HCN4: variants seen among roughly 807,000 people sequenced by gnomAD.
The protein encoded by HCN4 is hyperpolarization activated cyclic nucleotide gated potassium channel 4.
A neutral mutation model predicts 76.9 loss-of-function variants in HCN4; 29 were observed. That is an observed-to-expected ratio of 0.38 (90% confidence interval 0.28 to 0.51). HCN4 has a LOEUF of 0.51. HCN4 is among the 20% of genes least tolerant of loss of function. The pLI is 0.90. For missense variants in HCN4, 1,416 were observed against 1,715.2 expected, an observed-to-expected ratio of 0.83 and a Z score of 3.08; for synonymous variants, 772 against 762.5, an observed-to-expected ratio of 1.01 and a Z score of -0.21.
In HCN4 at chr15:73,322,377, T is replaced by A. The variant is rs1053318527; in HGVS notation, c.*104A>T. On this transcript the variant is annotated 3_prime_UTR_variant, in exon 8 of 8. Transcript: ENST00000261917. ...TGTTTTTCTGGTGTGTGTGGTTTTT[T>A]AAATAATTATTACTGTTATTGGTAT... The A allele has an allele frequency of 1.7e-5, 17 of 985,960 alleles. No individual in the cohort carries two copies. The highest frequency in any genetic ancestry group is 2.8e-5 in the South Asian group (2 of 71,656). The allele number at this position is 985,960 out of a possible 1,614,324, so 61.1% of individuals were successfully genotyped here.
Position 73,321,710 on chromosome 15 carries a change from C to G in HCN4, c.*771G>C, listed in dbSNP as rs2042859495. The G allele has an allele frequency of 6.5e-6, 1 of 152,866 alleles. No homozygotes were observed. The highest frequency in any genetic ancestry group is 2.4e-5 in the African/African-American group (1 of 41,436). The allele number at this position is 152,866 out of a possible 1,614,324, so 9.5% of individuals were successfully genotyped here. A position where few individuals can be genotyped will look rare whatever the true frequency, so the allele number is the denominator to read the frequency against. Reference sequence around the variant, plus strand: ...GAGAGAGGGGGCCTGCTGCGAAGTCCTGGGGTCCTCTTCCCTGAGGACTGG... The same window carrying G: ...GAGAGAGGGGGCCTGCTGCGAAGTCGTGGGGTCCTCTTCCCTGAGGACTGG... On this transcript the variant is annotated 3_prime_UTR_variant, in exon 8 of 8. Coordinates refer to ENST00000261917, the MANE Select transcript of HCN4 (RefSeq NM_005477.3).
Position 73,368,016 on chromosome 15 carries a change from G to C in HCN4, c.255C>G (p.Gly85=). The C allele has an allele frequency of 7.0e-7, 1 of 1,419,688 alleles. No individual in the cohort carries two copies. Among genetic ancestry groups the C allele is most frequent in the Non-Finnish European group, 9.1e-7 (1 of 1,093,834 alleles). 87.9% of individuals were successfully genotyped at this position (1,419,688 alleles called of 1,614,324 possible). Residue 85 remains glycine (G), a synonymous_variant, in exon 1 of 8, where the codon GGC becomes GGG. Transcript: ENST00000261917. The surrounding 1 kb of genome is among the most constrained non-coding windows in gnomAD (Gnocchi z 6.9). The part of the protein sequence containing the change: ...ADSEGPARGA[G]KSSTNGDCRR... ...TGCAGTCGCCGTTCGTGCTGGACTT[G>C]CCCGCGCCGCGGGCCGGCCCTTCGC... is the stretch of plus-strand genomic sequence containing the variant.
chr15:73,347,128 C>T (rs2043033138), intron 1 of HCN4, among the ~76,000 whole-genome samples: 1 of 152,228 alleles, frequency 6.6e-6, no homozygotes, highest in South Asian at 2.1e-4. Context: ...CCCCAAAACA[C>T]TTCACATGTA....
intron 1 of HCN4, among the ~76,000 whole-genome samples, chr15:73,356,374 C>CTTTTTTTTTTT (rs71137342): frequency 5.3e-4 from 63 of 118,172 alleles, no homozygotes; most frequent in Non-Finnish European, 6.5e-4. Flanking sequence ...CTTTTCTTTT[C>CTTTTTTTTTTT]TTTTTTTTTT....
At chr15:73,362,356 A>G (rs571091274) in intron 1 of HCN4, among the ~76,000 whole-genome samples, 1 of 152,364 alleles carries the variant, frequency 6.6e-6, no homozygotes, top group East Asian at 1.9e-4. Context: ...GAACAAGCGC[A>G]TGAACAGTAA....
chr15:73,368,448 C>G lies in HCN4; in HGVS notation c.-178G>C. The G allele has an allele frequency of 2.6e-6, 1 of 388,704 alleles. No individual in the cohort carries two copies. Among genetic ancestry groups the G allele is most frequent in the Non-Finnish European group, 4.5e-6 (1 of 224,656 alleles). 24.1% of individuals were successfully genotyped at this position (388,704 alleles called of 1,614,324 possible). On this transcript the variant is annotated 5_prime_UTR_variant, in exon 1 of 8. Coordinates refer to ENST00000261917, the MANE Select transcript of HCN4 (RefSeq NM_005477.3). The surrounding 1 kb of genome is among the most constrained non-coding windows in gnomAD (Gnocchi z 6.9). ...CGCGCCGCGGGGAGGATCCTAGTCC[C>G]GCTCCGAGTCCCCGGGCTCGCCGCG...
intron 2 of HCN4, among the ~76,000 whole-genome samples, chr15:73,336,358 G>T (rs529827026): frequency 1.3e-5 from 2 of 152,108 alleles, no homozygotes; most frequent in African/African-American, 4.8e-5. Context: ...CTGTGTTGCC[G>T]CCATCACAAG....
In HCN4 at chr15:73,368,333, A is replaced by AGGTCCGCCCGCCGGTC. The variant is rs2043140502; in HGVS notation, c.-79_-64dup. ...GAGCGCGGCGCCGCGGACGGGCTCCAGGTCCGCCCGCCGGTCAGTCCGCCC... is the reference window on the plus strand; with the variant it reads ...GAGCGCGGCGCCGCGGACGGGCTCCAGGTCCGCCCGCCGGTCGGTCCGCCCGCCGGTCAGTCCGCCC... On this transcript the variant is annotated 5_prime_UTR_variant, in exon 1 of 8. Coordinates refer to ENST00000261917, the MANE Select transcript of HCN4 (RefSeq NM_005477.3). This position sits in a 1 kb window ranked among gnomAD's most constrained non-coding sequence, Gnocchi z 6.9. 8.3e-7 allele frequency: 1 copy of AGGTCCGCCCGCCGGTC among 1,209,940 alleles called. No individual in the cohort carries two copies. The highest frequency in any genetic ancestry group is 1.6e-5 in the African/African-American group (1 of 62,212). 75.0% of individuals were successfully genotyped at this position (1,209,940 alleles called of 1,614,324 possible).
In HCN4 at chr15:73,322,651, G is replaced by C; in HGVS notation, c.3442C>G (p.Gln1148Glu). Residue 1148 changes from glutamine (Q) to glutamate (E), a missense_variant, in exon 8 of 8, where the codon CAG becomes GAG. By Grantham distance (29) the Gln-to-Glu change is conservative (BLOSUM62 2). This residue lies in a region of HCN4 where 633 missense variants were observed against 579.8 expected (regional missense o/e 1.09). Coordinates refer to ENST00000261917, the MANE Select transcript of HCN4 (RefSeq NM_005477.3). The part of the protein sequence containing the change: ...PGRPYGAIPG[Q>E]HVTLPRKTSS... ...GTCTTCCGAGGCAGAGTGACGTGCT[G>C]GCCGGGGATGGCACCATAGGGCCTC... is the stretch of plus-strand genomic sequence containing the variant. 1 of 1,609,108 alleles carries C rather than the reference G, an allele frequency of 6.2e-7. No homozygotes were observed. The highest frequency in any genetic ancestry group is 8.5e-7 in the Non-Finnish European group (1 of 1,178,286).
Position 73,322,646 on chromosome 15 carries a change from G to A in HCN4, c.3447C>T (p.His1149=), listed in dbSNP as rs773681962. Residue 1149 remains histidine, a synonymous_variant, in exon 8 of 8, where the codon CAC becomes CAT. Transcript: ENST00000261917. ...AGGATGTCTTCCGAGGCAGAGTGAC[G>A]TGCTGGCCGGGGATGGCACCATAGG... ...GRPYGAIPGQ[H]VTLPRKTSSG... The A allele has an allele frequency of 1.2e-5, 19 of 1,610,030 alleles. No homozygotes were observed. Among genetic ancestry groups the A allele is most frequent in the Middle Eastern group, 3.3e-4 (2 of 6,054 alleles).
chr15:73,354,313 G>A (rs2043068215), intron 1 of HCN4, among the ~76,000 whole-genome samples: 1 of 152,210 alleles, frequency 6.6e-6, no homozygotes, highest in Non-Finnish European at 1.5e-5. Flanking sequence ...GCTGGCCTCA[G>A]CCTCTCCCCA....
At chr15:73,330,735 C>G (rs1370978139) in intron 3 of HCN4, among the ~76,000 whole-genome samples, 8 of 152,234 alleles carry the variant, frequency 5.3e-5, no homozygotes, top group African/African-American at 1.9e-4. Flanking sequence ...AGCTTCGAGC[C>G]ATATTCAAGG....
chr15:73,324,830 C>T, intron 6 of HCN4, 125 bp downstream of exon 6: 1 of 1,212,216 alleles, frequency 8.2e-7, no homozygotes, highest in Non-Finnish European at 1.2e-6. Flanking sequence ...CTACCCTGGG[C>T]TCACAGACAC....
intron 1 of HCN4, among the ~76,000 whole-genome samples, chr15:73,357,546 G>A (rs1446329799): frequency 8.5e-5 from 13 of 152,142 alleles, no homozygotes; most frequent in Admixed American, 8.5e-4. Context: ...TCCCTAGGAG[G>A]GGAGGCTGGG....
At chr15:73,365,035 T>C (rs2043122466) in intron 1 of HCN4, among the ~76,000 whole-genome samples, 1 of 152,154 alleles carries the variant, frequency 6.6e-6, no homozygotes, top group African/African-American at 2.4e-5. Context: ...CAGAAGCTCT[T>C]GCGAAGCCTG....
intron 2 of HCN4, among the ~76,000 whole-genome samples, chr15:73,340,146 G>GC (rs2042991810): frequency 6.6e-6 from 1 of 152,054 alleles, no homozygotes; most frequent in Admixed American, 6.6e-5. Flanking sequence ...GGGTGGCCTG[G>GC]CCAGGGTGGC....
At chr15:73,345,530 C>G (rs912395838) in intron 1 of HCN4, among the ~76,000 whole-genome samples, 5 of 152,170 alleles carry the variant, frequency 3.3e-5, no homozygotes, top group African/African-American at 1.2e-4. Flanking sequence ...ACAAAGAATG[C>G]AGCACACCTG....
In HCN4 at chr15:73,323,989, G is replaced by A. The variant is rs754830019; in HGVS notation, c.2144-40C>T. The A allele has an allele frequency of 4.3e-6, 7 of 1,610,474 alleles. 1 individual carries two copies. In the South Asian group the frequency reaches 7.7e-5, roughly 18 times the overall value. ...AAGAACAGGCACTCAGGGCAGAGCG[G>A]GGAAGGAGATCAGGTGCAGACCTGG... On this transcript the variant is annotated intron_variant, in intron 7 of 7. Transcript: ENST00000261917.
chr15:73,344,400 G>A (rs1250241862), intron 1 of HCN4, among the ~76,000 whole-genome samples: 2 of 152,216 alleles, frequency 1.3e-5, no homozygotes, highest in Non-Finnish European at 2.9e-5. Flanking sequence ...TTTCCTCACT[G>A]TGTAATGAGT....
Sources: gnomAD v4.1 joint callset for allele counts (sites outside exome capture counted in the v4.1 genomes callset) on GRCh38, gnomAD v4.1.1 for gene constraint, gnomAD v4.1.1 regional missense constraint, Gnocchi (gnomAD v3.1) non-coding constraint, MANE v1.5 for transcripts, NCBI Gene and HGNC (gene_info 2026-07-23, HGNC 2026-07-21) for gene names.